The following BBS9 variants were observed in gnomAD, a reference collection of about 807,000 sequenced individuals.
The protein encoded by BBS9 is Bardet-Biedl syndrome 9.
BBS9 carries 89 observed loss-of-function variants against 117.7 expected under a neutral mutation model. That is an observed-to-expected ratio of 0.76 (90% CI 0.64 to 0.90). The LOEUF (loss-of-function observed/expected upper bound fraction) is 0.90. BBS9 is among the 40% of genes least tolerant of loss of function. The probability of loss-of-function intolerance (pLI) is 0.00; values close to 1 mark genes in which losing one functional copy is unlikely to be tolerated. For synonymous variants in BBS9, 379 were observed against 370.9 expected (o/e 1.02, Z -0.25); for missense variants, 982 against 1,042.2 (o/e 0.94, Z 0.80).
At chr7:33,199,588 AT>A (rs1003075315) in intron 5 of BBS9, among the ~76,000 whole-genome samples, 30 of 147,294 alleles carry the variant, frequency 2.0e-4, no homozygotes, top group Middle Eastern at 3.5e-3. Flanking sequence ...TCAGCAATCT[AT>A]TTTTTTTTTA....
intron 17 of BBS9, among the ~76,000 whole-genome samples, chr7:33,369,088 T>C (rs913261893): frequency 6.6e-6 from 1 of 152,200 alleles, no homozygotes; most frequent in Non-Finnish European, 1.5e-5. Context: ...AAATTTCAAA[T>C]GTATAGTTCA....
rs1841230840 is a variant in BBS9 at position 33,472,755 on chromosome 7, AC to A, written c.2116-32707del. On this transcript the variant is annotated intron_variant, in intron 19 of 22. Transcript: ENST00000242067. The stretch of plus-strand genomic sequence containing the variant: ...TCTTGTAGTTCTTGGATCCTAACAT[AC>A]GGTAGCATTACCCCCACTCTCTCAA... 2.6e-5 allele frequency among the ~76,000 whole-genome samples: 4 copies of A among 152,338 alleles called. No individual in the cohort carries two copies. In the South Asian group the frequency reaches 8.3e-4, roughly 32 times the overall value.
At chr7:33,370,719 A>G (rs1822697233) in intron 17 of BBS9, among the ~76,000 whole-genome samples, 1 of 152,208 alleles carries the variant, frequency 6.6e-6, no homozygotes, top group Non-Finnish European at 1.5e-5. Flanking sequence ...CCTAAGGTCC[A>G]GATCCACATA....
intron 21 of BBS9, among the ~76,000 whole-genome samples, chr7:33,546,946 G>A (rs1853476400): frequency 6.6e-6 from 1 of 151,996 alleles, no homozygotes; most frequent in African/African-American, 2.4e-5. Flanking sequence ...TCTTCTTTAT[G>A]ACCTCAATAC....
intron 21 of BBS9, among the ~76,000 whole-genome samples, chr7:33,540,302 CA>C (rs936471853): frequency 1.3e-5 from 2 of 151,890 alleles, no homozygotes; most frequent in Non-Finnish European, 2.9e-5. Flanking sequence ...TATTTAAATT[CA>C]AAAAAAGAAA....
chr7:33,152,423 T>G (rs552815091), intron 2 of BBS9, among the ~76,000 whole-genome samples: 2 of 152,320 alleles, frequency 1.3e-5, no homozygotes, highest in African/African-American at 4.8e-5. Context: ...TTGATTGAGT[T>G]AAATTATGAC....
chr7:33,160,572 A>G (rs1199387389), intron 4 of BBS9, among the ~76,000 whole-genome samples: 1 of 152,156 alleles, frequency 6.6e-6, no homozygotes, highest in Admixed American at 6.5e-5. Context: ...AGAAGTCTTG[A>G]TCTGTGATCT....
intron 4 of BBS9, among the ~76,000 whole-genome samples, chr7:33,168,815 T>A (rs1796085035): frequency 6.6e-6 from 1 of 152,206 alleles, no homozygotes; most frequent in Admixed American, 6.5e-5. Flanking sequence ...TTTTTTTATT[T>A]ATTTTTTATT....
At chr7:33,360,601 G>A (rs1406350745) in intron 16 of BBS9, among the ~76,000 whole-genome samples, 1 of 149,856 alleles carries the variant, frequency 6.7e-6, no homozygotes, top group Non-Finnish European at 1.5e-5. Context: ...GCTTACTGCA[G>A]CCTCTACTTC....
At position 33,536,217 on chromosome 7, in the gene BBS9, A is replaced by G. The variant is rs572136166; in HGVS notation, c.2521+2041A>G. Among the ~76,000 whole-genome samples, 160 of 152,204 alleles carry G rather than the reference A, an allele frequency of 1.1e-3. 2 individuals carry two copies. Among genetic ancestry groups the G allele is most frequent in the African/African-American group, 3.7e-3 (153 of 41,540 alleles). On this transcript the variant is annotated intron_variant, in intron 21 of 22. Transcript: ENST00000242067. ...TGTTGGAGAGATTCAGGCTGTGTGCATGGGCAATCAGGGTCACAGTCGCAA... is the reference window on the plus strand; with the variant it reads ...TGTTGGAGAGATTCAGGCTGTGTGCGTGGGCAATCAGGGTCACAGTCGCAA...
At chr7:33,301,333 A>G (rs1806393514) in intron 9 of BBS9, among the ~76,000 whole-genome samples, 1 of 152,020 alleles carries the variant, frequency 6.6e-6, no homozygotes, top group African/African-American at 2.4e-5. Flanking sequence ...TTTGAGTATC[A>G]TCTTCCTTGT....
chr7:33,475,734 A>C (rs1031027418), intron 19 of BBS9, among the ~76,000 whole-genome samples: 1 of 152,186 alleles, frequency 6.6e-6, no homozygotes, highest in Admixed American at 6.5e-5. Flanking sequence ...GAAGAGGTTC[A>C]CTTTTCCTTG....
At chr7:33,579,482 G>A (rs555545305) in intron 21 of BBS9, among the ~76,000 whole-genome samples, 3 of 152,214 alleles carry the variant, frequency 2.0e-5, no homozygotes, top group South Asian at 2.1e-4. Context: ...GGTTTGGCCC[G>A]GCGTGTATCA....
chr7:33,437,789 T>G (rs1229616321), intron 19 of BBS9, among the ~76,000 whole-genome samples: 1 of 152,054 alleles, frequency 6.6e-6, no homozygotes, highest in South Asian at 2.1e-4. Context: ...GGCAGGAGAA[T>G]TGCTTGAACC....
chr7:33,479,507 C>T (rs981334714), intron 19 of BBS9, among the ~76,000 whole-genome samples: 1 of 152,072 alleles, frequency 6.6e-6, no homozygotes, highest in Non-Finnish European at 1.5e-5. Context: ...TTGTACAATC[C>T]ATTGTTCAGG....
chr7:33,164,467 G>A (rs552275846), intron 4 of BBS9, among the ~76,000 whole-genome samples: 2 of 152,310 alleles, frequency 1.3e-5, no homozygotes, highest in Admixed American at 1.3e-4. Context: ...GGGAGTCTAA[G>A]TCTCTTTGTA....
chr7:33,219,003 C>T (rs1401135252), intron 5 of BBS9, among the ~76,000 whole-genome samples: 2 of 152,228 alleles, frequency 1.3e-5, no homozygotes, highest in African/African-American at 2.4e-5. Flanking sequence ...ACCCGGGCTG[C>T]GGGCGGCGCT....
At chr7:33,563,943 T>C (rs1275543646) in intron 21 of BBS9, among the ~76,000 whole-genome samples, 1 of 152,204 alleles carries the variant, frequency 6.6e-6, no homozygotes, top group African/African-American at 2.4e-5. Context: ...TCTCTGTATA[T>C]TGCTGCCGAT....
At chr7:33,198,843 G>T (rs17170108) in intron 5 of BBS9, among the ~76,000 whole-genome samples, 4,004 of 151,998 alleles carry the variant, frequency 0.026, 189 homozygotes, top group African/African-American at 0.091. Context: ...ATGCTGTAAG[G>T]TTGAAAGATT....
Sources: allele counts gnomAD v4.1 joint callset (sites outside exome capture counted in the v4.1 genomes callset), GRCh38; gene constraint gnomAD v4.1.1; transcripts MANE v1.5; gene names NCBI Gene and HGNC (gene_info 2026-07-23, HGNC 2026-07-21).